UTS2: variants seen among roughly 807,000 people sequenced by gnomAD.
The protein encoded by UTS2 is urotensin-2.
A neutral mutation model predicts 12.6 loss-of-function variants in UTS2; 10 were observed. The ratio of observed to expected loss-of-function variants is 0.80; its 90% CI spans 0.49 to 1.35. The LOEUF (loss-of-function observed/expected upper bound fraction) is 1.35, where lower values mean the gene tolerates loss of function less well. UTS2 is among the 40% of genes most tolerant of loss of function. The pLI is 0.00. For synonymous variants in UTS2, 52 were observed against 50.0 expected (o/e 1.04, Z -0.17); for missense variants, 142 against 143.2 (o/e 0.99, Z 0.04).
the UTS2 span, among the ~76,000 whole-genome samples, chr1:7,859,460 G>T: frequency 6.6e-6 from 1 of 152,148 alleles, no homozygotes; most frequent in Non-Finnish European, 1.5e-5. Context: ...CACAGGAGAG[G>T]CTCTTTTCCT....
upstream of UTS2, chr1:7,853,583 G>A: frequency 9.1e-7 from 1 of 1,099,122 alleles, no homozygotes; most frequent in Non-Finnish European, 1.3e-6. Context: ...ATTGCTCCAG[G>A]CTCAAGACAA....
the UTS2 span, among the ~76,000 whole-genome samples, chr1:7,863,731 A>T: frequency 1.3e-5 from 2 of 152,232 alleles, no homozygotes. Context: ...GCCCAAATTT[A>T]ACGTCTAGTT....
chr1:7,849,054 G>A (rs948365956), intron 3 of UTS2, among the ~76,000 whole-genome samples: 1 of 152,098 alleles, frequency 6.6e-6, no homozygotes, highest in Non-Finnish European at 1.5e-5. Context: ...GAGCACAAGT[G>A]GATGCCAGAC....
chr1:7,908,439 C>T, the UTS2 span, among the ~76,000 whole-genome samples: 5 of 130,692 alleles, frequency 3.8e-5, no homozygotes, highest in East Asian at 2.1e-4. Flanking sequence ...CCGGCCTGGG[C>T]GACAGAGTGA....
At chr1:7,880,764 C>T in the UTS2 span, among the ~76,000 whole-genome samples, 1 of 152,146 alleles carries the variant, frequency 6.6e-6, no homozygotes, top group Non-Finnish European at 1.5e-5. Flanking sequence ...CAAACTCTTC[C>T]AAAAGAGAAG....
chr1:7,847,908 C>CAAA (rs542425848), intron 3 of UTS2, 26 bp from the exon 4 acceptor site: 6 of 1,412,810 alleles, frequency 4.2e-6, no homozygotes, highest in South Asian at 2.6e-5. Flanking sequence ...CGAACAACAA[C>CAAA]AACAAAAAAA....
the UTS2 span, among the ~76,000 whole-genome samples, chr1:7,909,732 T>C: frequency 6.6e-6 from 1 of 152,020 alleles, no homozygotes; most frequent in African/African-American, 2.4e-5. Flanking sequence ...GCAATTCTTC[T>C]GTCTCAGCCT....
the UTS2 span, among the ~76,000 whole-genome samples, chr1:7,891,837 C>T: frequency 6.6e-6 from 1 of 152,128 alleles, no homozygotes; most frequent in Non-Finnish European, 1.5e-5. Flanking sequence ...TTTATGTAAA[C>T]TCTAGAACAT....
chr1:7,850,772 A>G (rs771743335), intron 2 of UTS2, 40 bp downstream of exon 2: 41 of 1,591,254 alleles, frequency 2.6e-5, no homozygotes, highest in Non-Finnish European at 3.2e-5. Flanking sequence ...GTTCAGTAGC[A>G]ATTAAATCAG....
At chr1:7,863,126 T>C in the UTS2 span, among the ~76,000 whole-genome samples, 29 of 150,266 alleles carry the variant, frequency 1.9e-4, no homozygotes, top group African/African-American at 6.7e-4. Context: ...TTGTATTGTA[T>C]TTGAGACGAA....
chr1:7,851,666 G>A, intron 1 of UTS2, among the ~76,000 whole-genome samples: 1 of 152,174 alleles, frequency 6.6e-6, no homozygotes, highest in East Asian at 1.9e-4. Flanking sequence ...ACCTTGATTG[G>A]AGGACAGTGA....
At chr1:7,849,731 G>A (rs372196524) in intron 2 of UTS2, 48 bp from the exon 3 acceptor site, 12 of 1,510,874 alleles carry the variant, frequency 7.9e-6, no homozygotes, top group Non-Finnish European at 1.1e-5. Flanking sequence ...TGTTTCTCTT[G>A]TATGCTTGTT....
chr1:7,907,309 G>T, the UTS2 span, among the ~76,000 whole-genome samples: 3 of 151,682 alleles, frequency 2.0e-5, no homozygotes, highest in African/African-American at 7.3e-5. Flanking sequence ...TTTAAAAAGT[G>T]AAAGAGTGTG....
chr1:7,877,523 T>A, the UTS2 span, among the ~76,000 whole-genome samples: 1 of 152,184 alleles, frequency 6.6e-6, no homozygotes, highest in African/African-American at 2.4e-5. Flanking sequence ...AATATTTAAA[T>A]TTTGGGTAGT....
chr1:7,858,763 C>T, the UTS2 span, among the ~76,000 whole-genome samples: 1 of 151,988 alleles, frequency 6.6e-6, no homozygotes, highest in Non-Finnish European at 1.5e-5. Flanking sequence ...TTTGTATCTT[C>T]AGTAGAGATG....
chr1:7,850,772 A>C, intron 2 of UTS2, 40 bp downstream of exon 2: 1 of 1,591,372 alleles, frequency 6.3e-7, no homozygotes, highest in East Asian at 2.2e-5. Context: ...GTTCAGTAGC[A>C]ATTAAATCAG....
chr1:7,907,510 T>A, the UTS2 span, among the ~76,000 whole-genome samples: 1 of 151,678 alleles, frequency 6.6e-6, no homozygotes. Flanking sequence ...TTTTTAAATT[T>A]AAAAAAATTT....
chr1:7,904,236 C>A, the UTS2 span, among the ~76,000 whole-genome samples: 2 of 150,442 alleles, frequency 1.3e-5, no homozygotes, highest in African/African-American at 2.4e-5. Flanking sequence ...AGGCCCAAGG[C>A]GGAAGGATAG....
chr1:7,867,852 G>A, the UTS2 span, among the ~76,000 whole-genome samples: 25 of 152,170 alleles, frequency 1.6e-4, no homozygotes, highest in African/African-American at 5.8e-4. Context: ...CTCCAGCCTG[G>A]GCAACGGAGC....
Sources: allele counts gnomAD v4.1 joint callset (sites outside exome capture counted in the v4.1 genomes callset), GRCh38; gene constraint gnomAD v4.1.1; transcripts MANE v1.5; gene names NCBI Gene and HGNC (gene_info 2026-07-23, HGNC 2026-07-21).